AKAP9: variants seen among roughly 807,000 people sequenced by gnomAD.
AKAP9 encodes the protein A-kinase anchor protein 9.
AKAP9 carries 311 observed loss-of-function variants against 488.5 expected under a neutral mutation model. The ratio of observed to expected loss-of-function variants is 0.64; its 90% CI spans 0.58 to 0.70. The LOEUF (loss-of-function observed/expected upper bound fraction) is 0.70. Ranked by LOEUF, AKAP9 falls within the 30% of genes least tolerant of loss-of-function variation. The pLI, the probability that AKAP9 is intolerant of heterozygous loss-of-function variation, is 0.00. For synonymous variants in AKAP9, 1,462 were observed against 1,483.5 expected (o/e 0.99, Z 0.33); for missense variants, 4,215 against 4,374.5 (o/e 0.96, Z 1.03).
chr7:92,020,025 T>A (rs1802105764), intron 12 of AKAP9, among the ~76,000 whole-genome samples: 2 of 151,200 alleles, frequency 1.3e-5, no homozygotes. Flanking sequence ...AAAAAAAAAA[T>A]AGAAAAGAAA....
At chr7:92,074,292 A>C (rs1015785803) in intron 28 of AKAP9, among the ~76,000 whole-genome samples, 3 of 152,248 alleles carry the variant, frequency 2.0e-5, no homozygotes, top group Non-Finnish European at 4.4e-5. Context: ...TCATCAGAGA[A>C]GTGCAAACCA....
intron 16 of AKAP9, among the ~76,000 whole-genome samples, chr7:92,032,122 A>T (rs917667442): frequency 2.0e-5 from 3 of 152,204 alleles, no homozygotes; most frequent in African/African-American, 7.2e-5. Context: ...AATATTAGCC[A>T]TATACCCTAG....
intron 46 of AKAP9, among the ~76,000 whole-genome samples, chr7:92,104,197 T>A (rs35485937): frequency 0.36 from 52,373 of 144,902 alleles, 9,589 homozygotes; most frequent in African/African-American, 0.4. Context: ...TTTATTTTTT[T>A]TTTTTTTTTT....
chr7:91,965,680 C>T (rs944005045), intron 1 of AKAP9, among the ~76,000 whole-genome samples: 1 of 152,200 alleles, frequency 6.6e-6, no homozygotes, highest in African/African-American at 2.4e-5. Context: ...TCTCCACATC[C>T]TCCCCAGCAT....
At position 92,042,106 on chromosome 7, in the gene AKAP9, C is replaced by CT; in HGVS notation, c.4979dup (p.Glu1661GlyfsTer17). 1 of 1,613,882 alleles carries CT rather than the reference C, an allele frequency of 6.2e-7. No homozygotes were observed. Among genetic ancestry groups the CT allele is most frequent in the Non-Finnish European group, 8.5e-7 (1 of 1,179,932 alleles). ...GAGAGAGAGGGTGCTTTTAGAGGAG[C>CT]TGGAAGCACTAAAGCAGCTGTCTTT... is the stretch of plus-strand genomic sequence containing the variant. On this transcript the variant is annotated frameshift_variant, in exon 19 of 50. Transcript: ENST00000356239. LOFTEE classifies it high-confidence loss of function.
At chr7:92,017,368 C>G (rs890642694) in intron 12 of AKAP9, among the ~76,000 whole-genome samples, 1 of 151,956 alleles carries the variant, frequency 6.6e-6, no homozygotes, top group Non-Finnish European at 1.5e-5. Flanking sequence ...GAAACAATTG[C>G]ATTTAATTTT....
At chr7:91,988,796 T>A (rs545071955) in intron 3 of AKAP9, among the ~76,000 whole-genome samples, 5 of 152,282 alleles carry the variant, frequency 3.3e-5, no homozygotes, top group Admixed American at 3.3e-4. Context: ...AAATACAGTT[T>A]GTTTTTTTAT....
intron 2 of AKAP9, among the ~76,000 whole-genome samples, chr7:91,979,531 A>G (rs528810874): frequency 6.6e-6 from 1 of 152,184 alleles, no homozygotes; most frequent in Admixed American, 6.5e-5. Context: ...GTATAGTCCA[A>G]CACCCCCAGT....
At chr7:92,064,095 T>A (rs1410277854) in intron 24 of AKAP9, among the ~76,000 whole-genome samples, 1 of 152,168 alleles carries the variant, frequency 6.6e-6, no homozygotes, top group Non-Finnish European at 1.5e-5. Flanking sequence ...TTGAGTTTTT[T>A]AAGAAACCAT....
rs192559951 is a variant in AKAP9, at chr7:92,008,409, C to T, written c.3319-4020C>T. ...TTAGACTTTCAAGAATATGGGCCAG[C>T]GGGCGTGGTGGCTCATGCCTGTAAT... On this transcript the variant is annotated intron_variant, in intron 8 of 49. Transcript: ENST00000356239. Among the ~76,000 whole-genome samples, 223 of 146,280 alleles carry T rather than the reference C, an allele frequency of 1.5e-3. 1 individual carries two copies. The highest frequency in any genetic ancestry group is 5.3e-3 in the African/African-American group (209 of 39,482).
intron 45 of AKAP9, among the ~76,000 whole-genome samples, chr7:92,102,200 A>AATAG (rs1181056107): frequency 2.9e-5 from 4 of 138,960 alleles, no homozygotes; most frequent in African/African-American, 9.5e-5. Context: ...TAAATAAATA[A>AATAG]ATAGATAGAT....
chr7:92,048,114 C>T (rs187081089), intron 21 of AKAP9, among the ~76,000 whole-genome samples: 15 of 152,186 alleles, frequency 9.9e-5, no homozygotes, highest in African/African-American at 3.6e-4. Context: ...TTCTGACATT[C>T]CTTCATAAAT....
intron 1 of AKAP9, among the ~76,000 whole-genome samples, chr7:91,945,391 C>T (rs570733919): frequency 1.3e-5 from 2 of 152,208 alleles, no homozygotes; most frequent in South Asian, 4.2e-4. Flanking sequence ...GTACTAATCC[C>T]AGCTACTGGG....
At position 92,074,860 on chromosome 7, in the gene AKAP9, TA is replaced by T. The variant is rs1210407568; in HGVS notation, c.6613-1994del. 5.3e-5 allele frequency among the ~76,000 whole-genome samples: 8 copies of T among 152,166 alleles called. No individual in the cohort carries two copies. The East Asian group carries it at 1.4e-3, about 26-fold the overall frequency. ...GGAAACATCACAAACCAGGGCCTTT[TA>T]GGGGGTGAGGGGTACAGGAGGGATA... is the stretch of plus-strand genomic sequence containing the variant. On this transcript the variant is annotated intron_variant, in intron 28 of 49. Coordinates refer to ENST00000356239, the MANE Select transcript of AKAP9 (RefSeq NM_005751.5).
chr7:92,003,906 GCTAA>G (rs1235229621), intron 8 of AKAP9, among the ~76,000 whole-genome samples: 1 of 152,108 alleles, frequency 6.6e-6, no homozygotes, highest in African/African-American at 2.4e-5. Flanking sequence ...ATGTAATGGT[GCTAA>G]CTAAAGTTTT....
chr7:92,034,897 GATAATAT>G (rs971564365), intron 16 of AKAP9, among the ~76,000 whole-genome samples: 4 of 152,064 alleles, frequency 2.6e-5, no homozygotes, highest in African/African-American at 9.6e-5. Flanking sequence ...TGATTGTATT[GATAATAT>G]TAAGGATTCA....
rs756215009 is a variant in AKAP9 at position 92,100,899 on chromosome 7, T to C, written c.10940T>C (p.Ile3647Thr). The C allele has an allele frequency of 2.7e-5, 43 of 1,614,076 alleles. No homozygotes were observed. Among genetic ancestry groups the C allele is most frequent in the Non-Finnish European group, 3.4e-6 (4 of 1,180,040 alleles). The change falls in exon 45 of 50, where the codon ATC becomes ACC. Residue 3647 changes from isoleucine to threonine, a missense_variant. By Grantham distance (89) the Ile-to-Thr change is moderately conservative (BLOSUM62 -1). Around this residue, in one of 5 missense-constraint regions of AKAP9, gnomAD observed 74 missense variants for 113.0 expected, o/e 0.65. Transcript: ENST00000356239. ...AATGGTGGTGCCAACATTGAAGCCA[T>C]CATTGCCTCTGAAAAAGAAGTATGG... is the stretch of plus-strand genomic sequence containing the variant. ...SLNGGANIEA[I>T]IASEKEVWNR...
At chr7:92,058,180 T>C (rs777830190) in intron 22 of AKAP9, 8 of 593,306 alleles carry the variant, frequency 1.3e-5, no homozygotes, top group African/African-American at 1.8e-5. Context: ...TGGATTCTTA[T>C]AGCACCTATT....
intron 30 of AKAP9, 115 bp from the exon 31 acceptor site, chr7:92,078,964 G>A: frequency 1.6e-6 from 1 of 635,658 alleles, no homozygotes; most frequent in Non-Finnish European, 2.7e-6. Context: ...CTGAGAAGTA[G>A]TGTATTATTT....
Sources: gnomAD v4.1 joint callset for allele counts (sites outside exome capture counted in the v4.1 genomes callset) on GRCh38, gnomAD v4.1.1 for gene constraint, gnomAD v4.1.1 regional missense constraint, MANE v1.5 for transcripts, NCBI Gene and HGNC (gene_info 2026-07-23, HGNC 2026-07-21) for gene names.